The following MYRIP variants were observed in gnomAD, a reference collection of about 807,000 sequenced individuals.
MYRIP encodes myosin VIIA and Rab interacting protein, also known as rab effector MyRIP.
In MYRIP, 49 loss-of-function variants were observed where a neutral mutation model predicts 98.0. The ratio of observed to expected loss-of-function variants is 0.50; its 90% CI spans 0.40 to 0.63. The LOEUF is 0.63. Among genes scored for constraint, MYRIP ranks in the 30% least tolerant of loss-of-function variants. MYRIP has a pLI of 0.00. For missense variants in MYRIP, 1,004 were observed against 1,058.2 expected (o/e 0.95, Z 0.71); for synonymous variants, 404 against 409.5 (o/e 0.99, Z 0.16).
At chr3:40,154,869 A>T (rs1409558398) in intron 4 of MYRIP, among the ~76,000 whole-genome samples, 1 of 152,200 alleles carries the variant, frequency 6.6e-6, no homozygotes, top group African/African-American at 2.4e-5. Flanking sequence ...TTATTAATAT[A>T]CTTAATCTTC....
At chr3:40,244,953 CTTATTAAGTAATA>C (rs1194253509) in intron 13 of MYRIP, among the ~76,000 whole-genome samples, 1 of 152,184 alleles carries the variant, frequency 6.6e-6, no homozygotes, top group East Asian at 1.9e-4. Context: ...CTGTTGATTA[CTTATTAAGTAATA>C]TTATTAAGTA....
intron 2 of MYRIP, among the ~76,000 whole-genome samples, chr3:39,981,110 A>G (rs1945883325): frequency 6.6e-6 from 1 of 152,208 alleles, no homozygotes; most frequent in African/African-American, 2.4e-5. Context: ...TATTAGGTTA[A>G]AGTTTGAGAT....
chr3:39,845,851 C>T (rs1425846898), intron 1 of MYRIP, among the ~76,000 whole-genome samples: 1 of 81,356 alleles, frequency 1.2e-5, no homozygotes, highest in Non-Finnish European at 2.6e-5. Flanking sequence ...CTTTCCCCTA[C>T]CAAAAAAAAA....
At chr3:40,159,345 A>C (rs946153500) in intron 4 of MYRIP, among the ~76,000 whole-genome samples, 5 of 152,134 alleles carry the variant, frequency 3.3e-5, no homozygotes, top group African/African-American at 1.2e-4. Context: ...TGGCTTGTAG[A>C]GTTTCTGCAA....
chr3:39,991,896 T>A (rs933491416), intron 2 of MYRIP, among the ~76,000 whole-genome samples: 1 of 152,234 alleles, frequency 6.6e-6, no homozygotes, highest in East Asian at 1.9e-4. Flanking sequence ...TTCACTGATA[T>A]AGCCTGTGTT....
chr3:39,927,777 A>G (rs1944449496), intron 2 of MYRIP, among the ~76,000 whole-genome samples: 1 of 152,062 alleles, frequency 6.6e-6, no homozygotes, highest in African/African-American at 2.4e-5. Context: ...ATGCACATAG[A>G]TGTGAAAATC....
intron 1 of MYRIP, among the ~76,000 whole-genome samples, chr3:39,828,535 G>A (rs1034101660): frequency 2.0e-5 from 3 of 151,964 alleles, no homozygotes; most frequent in Admixed American, 6.6e-5. Context: ...GGTTACATGA[G>A]TAAGTTTTTA....
intron 3 of MYRIP, among the ~76,000 whole-genome samples, chr3:40,073,771 G>A (rs73063955): frequency 0.15 from 22,680 of 152,216 alleles, 1,635 homozygotes; most frequent in East Asian, 0.2. Flanking sequence ...CCACCTCTCT[G>A]CTCATATCTA....
At chr3:39,971,561 T>C (rs1169951040) in intron 2 of MYRIP, among the ~76,000 whole-genome samples, 1 of 152,072 alleles carries the variant, frequency 6.6e-6, no homozygotes, top group African/African-American at 2.4e-5. Flanking sequence ...AAGGTATCTG[T>C]TGTCCTTGCA....
At chr3:39,935,929 C>T (rs1000014941) in intron 2 of MYRIP, among the ~76,000 whole-genome samples, 4 of 151,568 alleles carry the variant, frequency 2.6e-5, no homozygotes, top group Non-Finnish European at 5.9e-5. Flanking sequence ...ATACTTTATA[C>T]AAATCTTATG....
At chr3:40,079,396 T>TA (rs1482682723) in intron 3 of MYRIP, among the ~76,000 whole-genome samples, 2 of 152,190 alleles carry the variant, frequency 1.3e-5, no homozygotes, top group South Asian at 4.1e-4. Context: ...ACACAGTTGT[T>TA]ACGCTGAATT....
rs539122991 is a variant in MYRIP, at chr3:40,011,260, C to G, written c.111-32790C>G. On this transcript the variant is annotated intron_variant, in intron 2 of 16. Coordinates refer to ENST00000302541, the MANE Select transcript of MYRIP (RefSeq NM_015460.4). ...CCAGGACCTAGTCACATGGCCACAC[C>G]TAGCTGCAAGTGGTGCTGGGAAACA... 3.3e-5 allele frequency among the ~76,000 whole-genome samples: 5 copies of G among 152,312 alleles called. No individual in the cohort carries two copies. The South Asian group carries it at 1.0e-3, about 32-fold the overall frequency.
intron 10 of MYRIP, among the ~76,000 whole-genome samples, chr3:40,206,380 C>T (rs1471285092): frequency 6.6e-6 from 1 of 152,084 alleles, no homozygotes; most frequent in African/African-American, 2.4e-5. Flanking sequence ...TCCAGTTATG[C>T]TCATGGTATC....
chr3:39,863,932 A>G (rs1942546673), intron 1 of MYRIP, among the ~76,000 whole-genome samples: 1 of 152,220 alleles, frequency 6.6e-6, no homozygotes, highest in South Asian at 2.1e-4. Context: ...CCAGCAGCAC[A>G]TCAAAAAGCT....
intron 2 of MYRIP, among the ~76,000 whole-genome samples, chr3:40,015,103 A>G (rs1279849752): frequency 6.6e-6 from 1 of 152,100 alleles, no homozygotes; most frequent in Non-Finnish European, 1.5e-5. Context: ...CTTTTAGTGG[A>G]TCTGTTTTAT....
chr3:40,049,249 T>A lies in MYRIP; in HGVS notation c.332+4978T>A, dbSNP rs574055181. Among the ~76,000 whole-genome samples the A allele has an allele frequency of 5.3e-5, 8 of 152,302 alleles. No homozygotes were observed. The South Asian group carries it at 1.7e-3, about 32-fold the overall frequency. ...ATTACATTTTTTACAAATTGAAGGT[T>A]TGTGGCAACCCTGCATTGAGCAAGT... On this transcript the variant is annotated intron_variant, in intron 3 of 16. Coordinates refer to ENST00000302541, the MANE Select transcript of MYRIP (RefSeq NM_015460.4).
intron 3 of MYRIP, among the ~76,000 whole-genome samples, chr3:40,107,354 C>G (rs891072576): frequency 6.6e-6 from 1 of 152,184 alleles, no homozygotes. Context: ...ACAAAGGACC[C>G]TGAATTTATT....
intron 1 of MYRIP, among the ~76,000 whole-genome samples, chr3:39,884,248 G>A (rs914931327): frequency 3.3e-5 from 5 of 152,076 alleles, no homozygotes; most frequent in African/African-American, 9.7e-5. Flanking sequence ...GAGAGGGAGA[G>A]ATCACAATTC....
chr3:39,975,559 A>G (rs1559544406), intron 2 of MYRIP, among the ~76,000 whole-genome samples: 3 of 152,014 alleles, frequency 2.0e-5, no homozygotes, highest in Non-Finnish European at 2.9e-5. Context: ...TTTAAAGTTC[A>G]TATGGAACCA....
Sources: allele counts gnomAD v4.1 joint callset (sites outside exome capture counted in the v4.1 genomes callset), GRCh38; gene constraint gnomAD v4.1.1; transcripts MANE v1.5; gene names NCBI Gene and HGNC (gene_info 2026-07-23, HGNC 2026-07-21).